Variants in PRR16 observed in about 807,000 individuals in gnomAD.
PRR16 encodes the protein protein Largen.
Under a neutral mutation model 18.2 loss-of-function variants are expected in PRR16, and 6 were observed. The ratio of observed to expected loss-of-function variants is 0.33; its 90% CI spans 0.18 to 0.65. The LOEUF (loss-of-function observed/expected upper bound fraction) is 0.65. Ranked by LOEUF, PRR16 falls within the 30% of genes least tolerant of loss-of-function variation. The probability of loss-of-function intolerance (pLI) is 0.74; values close to 1 mark genes in which losing one functional copy is unlikely to be tolerated. For synonymous variants in PRR16, 151 were observed against 147.8 expected (o/e 1.02, Z -0.16); for missense variants, 412 against 376.6 (o/e 1.09, Z -0.78).
chr5:120,774,080 G>A, the PRR16 span, among the ~76,000 whole-genome samples: 1 of 146,026 alleles, frequency 6.8e-6, no homozygotes, highest in Non-Finnish European at 1.5e-5. Flanking sequence ...TTGATTTCCT[G>A]TTGCTATGAA....
chr5:120,579,073 C>G (rs1043766312), intron 1 of PRR16, among the ~76,000 whole-genome samples: 2 of 151,862 alleles, frequency 1.3e-5, no homozygotes, highest in Non-Finnish European at 2.9e-5. Context: ...CTTTTCATAT[C>G]CTTTGCCCAC....
At chr5:120,566,063 G>T (rs1211379579) in intron 1 of PRR16, among the ~76,000 whole-genome samples, 2 of 152,170 alleles carry the variant, frequency 1.3e-5, no homozygotes, top group African/African-American at 4.8e-5. Flanking sequence ...GCAATATTAA[G>T]TTAGAGACAG....
At chr5:120,571,278 GAGC>G (rs1580737179) in intron 1 of PRR16, among the ~76,000 whole-genome samples, 1 of 152,140 alleles carries the variant, frequency 6.6e-6, no homozygotes, top group Non-Finnish European at 1.5e-5. Flanking sequence ...GTTTATGAGT[GAGC>G]CATGTGGGTG....
intron 1 of PRR16, among the ~76,000 whole-genome samples, chr5:120,653,124 T>G (rs1755847631): frequency 6.6e-6 from 1 of 151,952 alleles, no homozygotes; most frequent in Admixed American, 6.6e-5. Flanking sequence ...GAAAAATGGT[T>G]TCACTTGGGA....
the PRR16 span, among the ~76,000 whole-genome samples, chr5:120,762,441 G>T: frequency 1.3e-5 from 2 of 151,954 alleles, no homozygotes; most frequent in South Asian, 4.1e-4. Flanking sequence ...TTGTAGTTTT[G>T]ATTTGCATTT....
the PRR16 span, among the ~76,000 whole-genome samples, chr5:120,735,949 T>G: frequency 6.6e-6 from 1 of 152,208 alleles, no homozygotes; most frequent in Non-Finnish European, 1.5e-5. Context: ...TTCTCCAGTT[T>G]TAGGCCTTAT....
the PRR16 span, among the ~76,000 whole-genome samples, chr5:120,755,223 TAAAA>T: frequency 1.3e-5 from 2 of 151,912 alleles, no homozygotes; most frequent in East Asian, 1.9e-4. Context: ...CTAAAAAAAA[TAAAA>T]AATAATAATT....
At chr5:120,784,861 CATT>C in the PRR16 span, among the ~76,000 whole-genome samples, 1 of 152,110 alleles carries the variant, frequency 6.6e-6, no homozygotes, top group African/African-American at 2.4e-5. Context: ...ACCATGGGCT[CATT>C]ATGACCAGGA....
chr5:120,566,057 T>C (rs1752726643), intron 1 of PRR16, among the ~76,000 whole-genome samples: 1 of 152,212 alleles, frequency 6.6e-6, no homozygotes, highest in African/African-American at 2.4e-5. Flanking sequence ...ATTGCAGCAA[T>C]ATTAAGTTAG....
chr5:120,526,103 C>T (rs184292691), intron 1 of PRR16, among the ~76,000 whole-genome samples: 4 of 152,202 alleles, frequency 2.6e-5, no homozygotes, highest in Admixed American at 6.5e-5. Flanking sequence ...GTATGAGCTG[C>T]AAAGTAACTG....
chr5:120,757,848 T>C, the PRR16 span, among the ~76,000 whole-genome samples: 1 of 152,176 alleles, frequency 6.6e-6, no homozygotes, highest in Admixed American at 6.6e-5. Context: ...TAGCCTCGAT[T>C]TAAATAGAAA....
the PRR16 span, among the ~76,000 whole-genome samples, chr5:120,752,630 T>G: frequency 6.6e-6 from 1 of 152,074 alleles, no homozygotes; most frequent in Admixed American, 6.6e-5. Context: ...TTAACTTCTA[T>G]ATTCCTAGAT....
intron 1 of PRR16, among the ~76,000 whole-genome samples, chr5:120,478,977 A>G (rs1392879912): frequency 1.3e-5 from 2 of 152,132 alleles, no homozygotes; most frequent in Non-Finnish European, 2.9e-5. Flanking sequence ...TGCTTTAGAA[A>G]CAAGCAAGCA....
chr5:120,616,217 C>G (rs1377724692), intron 1 of PRR16, among the ~76,000 whole-genome samples: 1 of 152,024 alleles, frequency 6.6e-6, no homozygotes, highest in Non-Finnish European at 1.5e-5. Context: ...TTATTCATAC[C>G]TCGTTTGAAC....
chr5:120,497,219 T>C (rs982000568), intron 1 of PRR16, among the ~76,000 whole-genome samples: 1 of 152,102 alleles, frequency 6.6e-6, no homozygotes, highest in Non-Finnish European at 1.5e-5. Flanking sequence ...TAGATTCTAT[T>C]GGCTCATGGT....
chr5:120,689,856 A>T (rs1478767545), downstream of PRR16, among the ~76,000 whole-genome samples: 3 of 152,044 alleles, frequency 2.0e-5, no homozygotes, highest in Non-Finnish European at 4.4e-5. Flanking sequence ...GCCCAAAGTT[A>T]TCTTCCACCT....
chr5:120,522,017 C>CA (rs1751198941), intron 1 of PRR16, among the ~76,000 whole-genome samples: 1 of 152,202 alleles, frequency 6.6e-6, no homozygotes, highest in Non-Finnish European at 1.5e-5. Flanking sequence ...TTTTTTATGA[C>CA]TGCATGGTAT....
At chr5:120,628,693 A>AT (rs1561581761) in intron 1 of PRR16, among the ~76,000 whole-genome samples, 116 of 130,668 alleles carry the variant, frequency 8.9e-4, no homozygotes, top group South Asian at 2.8e-3. Context: ...CTATCATTCT[A>AT]CCATCTATCT....
At chr5:120,780,912 T>C in the PRR16 span, among the ~76,000 whole-genome samples, 1 of 152,156 alleles carries the variant, frequency 6.6e-6, no homozygotes, top group East Asian at 1.9e-4. Context: ...TAGTTGGGCG[T>C]GGTGGCAGGC....
Sources: gnomAD v4.1 joint callset for allele counts (sites outside exome capture counted in the v4.1 genomes callset) on GRCh38, gnomAD v4.1.1 for gene constraint, MANE v1.5 for transcripts, NCBI Gene and HGNC (gene_info 2026-07-23, HGNC 2026-07-21) for gene names.